The following SLC24A2 variants were observed in gnomAD, a reference collection of about 807,000 sequenced individuals.
SLC24A2 encodes sodium/potassium/calcium exchanger 2.
SLC24A2 carries 36 observed loss-of-function variants against 62.0 expected under a neutral mutation model. That is an observed-to-expected ratio of 0.58 (90% CI 0.44 to 0.77). SLC24A2 has a LOEUF of 0.77. SLC24A2 is among the 30% of genes least tolerant of loss of function. SLC24A2 has a pLI of 0.00. For missense variants in SLC24A2, 846 were observed against 817.9 expected (o/e 1.03, Z -0.42); for synonymous variants, 358 against 294.0 (o/e 1.22, Z -2.23).
the SLC24A2 span, among the ~76,000 whole-genome samples, chr9:20,057,251 T>A: frequency 6.6e-6 from 1 of 152,364 alleles, no homozygotes; most frequent in South Asian, 2.1e-4. Flanking sequence ...GAGCGTGTGA[T>A]GCTCATTATG....
chr9:19,847,118 G>A, the SLC24A2 span, among the ~76,000 whole-genome samples: 11 of 152,218 alleles, frequency 7.2e-5, no homozygotes, highest in East Asian at 2.1e-3. Flanking sequence ...TATTATATGG[G>A]ACTATTTATA....
chr9:19,889,928 T>G, the SLC24A2 span, among the ~76,000 whole-genome samples: 1 of 152,334 alleles, frequency 6.6e-6, no homozygotes, highest in South Asian at 2.1e-4. Context: ...TTATCTTCCT[T>G]TCTCAGTTAT....
chr9:19,676,584 G>C (rs971068622), intron 2 of SLC24A2, among the ~76,000 whole-genome samples: 1 of 152,082 alleles, frequency 6.6e-6, no homozygotes, highest in Non-Finnish European at 1.5e-5. Context: ...TATATGGTAG[G>C]AGAAGTTCTT....
intron 2 of SLC24A2, among the ~76,000 whole-genome samples, chr9:19,660,529 G>C (rs1299605139): frequency 6.6e-6 from 1 of 152,164 alleles, no homozygotes; most frequent in East Asian, 1.9e-4. Context: ...AAGGACTGCT[G>C]TCATTTTGAG....
the SLC24A2 span, among the ~76,000 whole-genome samples, chr9:19,817,684 C>T: frequency 1.3e-5 from 2 of 151,936 alleles, no homozygotes; most frequent in African/African-American, 4.8e-5. Context: ...AAGTGAAATT[C>T]TGCTTGCACC....
chr9:20,126,977 A>G, the SLC24A2 span, among the ~76,000 whole-genome samples: 1 of 152,180 alleles, frequency 6.6e-6, no homozygotes, highest in Non-Finnish European at 1.5e-5. Context: ...AACAGCTTTC[A>G]TGGATTTGTC....
At chr9:20,105,115 T>C in the SLC24A2 span, among the ~76,000 whole-genome samples, 4 of 152,284 alleles carry the variant, frequency 2.6e-5, no homozygotes, top group Non-Finnish European at 4.4e-5. Flanking sequence ...CATTACATAA[T>C]GGTAAAGGGA....
the SLC24A2 span, among the ~76,000 whole-genome samples, chr9:20,090,840 G>T: frequency 1.7e-4 from 26 of 152,282 alleles, no homozygotes; most frequent in African/African-American, 6.3e-4. Context: ...TCCAAAAAAG[G>T]TTTTAAACCA....
At chr9:20,151,107 A>C in the SLC24A2 span, among the ~76,000 whole-genome samples, 3 of 151,934 alleles carry the variant, frequency 2.0e-5, no homozygotes, top group Non-Finnish European at 4.4e-5. Context: ...CCCACTTTCT[A>C]ACATTTTTAC....
At chr9:20,149,253 C>T in the SLC24A2 span, among the ~76,000 whole-genome samples, 3 of 152,076 alleles carry the variant, frequency 2.0e-5, no homozygotes, top group South Asian at 2.1e-4. Context: ...CCAGTTTGGC[C>T]GTTGGGATTC....
intron 2 of SLC24A2, among the ~76,000 whole-genome samples, chr9:19,695,860 G>A (rs1820176534): frequency 1.3e-5 from 2 of 152,024 alleles, no homozygotes; most frequent in South Asian, 2.1e-4. Flanking sequence ...CTTAAGGAAA[G>A]CAAATTACAG....
the SLC24A2 span, among the ~76,000 whole-genome samples, chr9:20,176,414 A>G: frequency 2.0e-5 from 3 of 152,124 alleles, no homozygotes; most frequent in African/African-American, 7.2e-5. Context: ...CAGTCAGAGA[A>G]TATTCTACCT....
the SLC24A2 span, among the ~76,000 whole-genome samples, chr9:20,224,995 C>T: frequency 6.6e-6 from 1 of 152,068 alleles, no homozygotes; most frequent in African/African-American, 2.4e-5. Context: ...CCCTCCTCCA[C>T]AATTTCCTGA....
intron 2 of SLC24A2, among the ~76,000 whole-genome samples, chr9:19,639,782 T>C (rs942401758): frequency 6.6e-6 from 1 of 152,208 alleles, no homozygotes; most frequent in Non-Finnish European, 1.5e-5. Flanking sequence ...TGAGAGCCAA[T>C]AGTTTATAAG....
At chr9:19,601,287 A>G (rs1836833467) in intron 4 of SLC24A2, among the ~76,000 whole-genome samples, 1 of 152,206 alleles carries the variant, frequency 6.6e-6, no homozygotes, top group Non-Finnish European at 1.5e-5. Context: ...AAAGTAGCCA[A>G]TTGCAGGGAG....
the SLC24A2 span, among the ~76,000 whole-genome samples, chr9:19,947,259 T>C: frequency 2.0e-5 from 3 of 152,118 alleles, no homozygotes; most frequent in Non-Finnish European, 2.9e-5. Flanking sequence ...AACCTCTGTC[T>C]GGATACAGAC....
At chr9:19,618,981 A>G (rs149931452) in intron 4 of SLC24A2, among the ~76,000 whole-genome samples, 12 of 152,300 alleles carry the variant, frequency 7.9e-5, no homozygotes, top group African/African-American at 2.9e-4. Context: ...GTTGTTTGTG[A>G]TGGTTCATGT....
the SLC24A2 span, among the ~76,000 whole-genome samples, chr9:19,861,221 C>G: frequency 6.6e-6 from 1 of 152,122 alleles, no homozygotes; most frequent in Non-Finnish European, 1.5e-5. Flanking sequence ...ACCCTCAGCT[C>G]CAGGTGGCTC....
chr9:20,220,267 A>G, the SLC24A2 span, among the ~76,000 whole-genome samples: 3 of 152,194 alleles, frequency 2.0e-5, no homozygotes, highest in South Asian at 2.1e-4. Context: ...TTGTCATTCT[A>G]TCTTCCCAGA....
Sources: gnomAD v4.1 joint callset for allele counts (sites outside exome capture counted in the v4.1 genomes callset) on GRCh38, gnomAD v4.1.1 for gene constraint, MANE v1.5 for transcripts, NCBI Gene and HGNC (gene_info 2026-07-23, HGNC 2026-07-21) for gene names.